EIF3L: variants seen among roughly 807,000 people sequenced by gnomAD.
EIF3L encodes the protein eukaryotic translation initiation factor 3 subunit L, also known as eIEF associated protein HSPC021.
A neutral mutation model predicts 74.6 loss-of-function variants in EIF3L; 32 were observed. The ratio of observed to expected loss-of-function variants is 0.43; its 90% CI spans 0.32 to 0.58. The LOEUF is 0.58. Ranked by LOEUF, EIF3L falls within the 20% of genes least tolerant of loss-of-function variation. EIF3L has a pLI of 0.06. For missense variants in EIF3L, 474 were observed against 707.8 expected (o/e 0.67, Z 3.75); for synonymous variants, 256 against 254.4 (o/e 1.01, Z -0.06).
intron 5 of EIF3L, among the ~76,000 whole-genome samples, chr22:37,861,638 T>G (rs924986304): frequency 6.6e-6 from 1 of 151,462 alleles, no homozygotes; most frequent in Non-Finnish European, 1.5e-5. Flanking sequence ...GAGCTGAGAT[T>G]GCACCGCTGC....
At chr22:37,881,879 A>G (rs957782749) in intron 11 of EIF3L, 1 of 152,180 alleles carries the variant, frequency 6.6e-6, no homozygotes, top group Non-Finnish European at 1.5e-5. Context: ...TTTTGAAAGC[A>G]TTTTGGGCCA....
intron 10 of EIF3L, 169 bp from the exon 11 acceptor site, chr22:37,877,504 AG>A: frequency 1.4e-6 from 1 of 734,780 alleles, no homozygotes; most frequent in South Asian, 2.1e-5. Flanking sequence ...GATGGAAGTT[AG>A]GTAGATCTAG....
intron 11 of EIF3L, chr22:37,884,408 CAT>C (rs1927215681): frequency 6.6e-6 from 1 of 151,932 alleles, no homozygotes; most frequent in Non-Finnish European, 1.5e-5. Flanking sequence ...ATTGTGTGAA[CAT>C]ATGTTTTTAA....
intron 7 of EIF3L, among the ~76,000 whole-genome samples, chr22:37,868,782 A>G (rs1926318470): frequency 6.6e-6 from 1 of 151,498 alleles, no homozygotes; most frequent in South Asian, 2.1e-4. Context: ...AGCTGGGATT[A>G]CAGGCATGTA....
chr22:37,849,538 C>T (rs1925042598), intron 1 of EIF3L, 56 bp downstream of exon 1: 1 of 1,529,354 alleles, frequency 6.5e-7, no homozygotes, highest in Admixed American at 2.0e-5. Flanking sequence ...TCTGGGACCA[C>T]TGGATGTGGG....
chr22:37,865,458 CA>C (rs902682999), intron 7 of EIF3L, among the ~76,000 whole-genome samples: 9 of 140,356 alleles, frequency 6.4e-5, no homozygotes, highest in African/African-American at 1.3e-4. Context: ...GACTCTGTCT[CA>C]AAAAAAAAAC....
At position 37,854,553 on chromosome 22, in the gene EIF3L, C is replaced by T. The variant is rs138828527; in HGVS notation, c.294-1012C>T. ...CGCAATCTCAGCTCATCGCAACCTC[C>T]GCCTCCTGGCTCCAAGCGATTCTCC... On this transcript the variant is annotated intron_variant, in intron 3 of 12. Coordinates refer to ENST00000652021, the MANE Select transcript of EIF3L (RefSeq NM_016091.4). Among the ~76,000 whole-genome samples, 909 of 152,306 alleles carry T rather than the reference C, an allele frequency of 6.0e-3. 6 individuals are homozygous for T. Among genetic ancestry groups the T allele is most frequent in the African/African-American group, 0.021 (876 of 41,566 alleles).
chr22:37,872,015 CAGATT>C (rs1243270734), intron 8 of EIF3L, among the ~76,000 whole-genome samples: 5 of 152,126 alleles, frequency 3.3e-5, no homozygotes, highest in East Asian at 1.9e-4. Context: ...TAGTTTCATA[CAGATT>C]AGGTGCAGTG....
chr22:37,876,322 T>G (rs1047966740), intron 10 of EIF3L: 4 of 154,610 alleles, frequency 2.6e-5, no homozygotes, highest in African/African-American at 3.1e-5. Flanking sequence ...TTTTTTTTTT[T>G]GAGACGAAGT....
In EIF3L at chr22:37,874,536, T is replaced by A. The variant is rs752532827; in HGVS notation, c.906+12T>A. ...AACTGAACAAGAAGGTGATGCCTAT[T>A]GCCTCTGGCCCCTCTTGCCAGAGCC... is the stretch of plus-strand genomic sequence containing the variant. On this transcript the variant is annotated intron_variant, in intron 9 of 12. Coordinates refer to ENST00000652021, the MANE Select transcript of EIF3L (RefSeq NM_016091.4). 1.6e-5 allele frequency: 25 copies of A among 1,611,812 alleles called. No individual in the cohort carries two copies. In the South Asian group the frequency reaches 2.0e-4, roughly 13 times the overall value.
intron 11 of EIF3L, chr22:37,885,023 ATCC>A (rs1927247459): frequency 6.9e-6 from 1 of 145,238 alleles, no homozygotes; most frequent in South Asian, 2.1e-4. Context: ...GGCTCAGGTG[ATCC>A]TCCTATCTCA....
chr22:37,868,619 ATTTTT>A (rs1281555311), intron 7 of EIF3L, among the ~76,000 whole-genome samples: 2 of 53,356 alleles, frequency 3.7e-5, no homozygotes. Flanking sequence ...ACACCTGGCT[ATTTTT>A]GTTTTGGTGC....
chr22:37,886,563 A>G, intron 11 of EIF3L: 1 of 348,894 alleles, frequency 2.9e-6, no homozygotes, highest in South Asian at 2.6e-5. Context: ...GCAAAACTCC[A>G]TCTCAAAAAA....
chr22:37,850,167 C>G, intron 2 of EIF3L, 104 bp downstream of exon 2: 1 of 1,339,956 alleles, frequency 7.5e-7, no homozygotes, highest in Non-Finnish European at 1.1e-6. Flanking sequence ...TTTGATGGTC[C>G]AGGTTTGGAG....
chr22:37,855,990 C>G (rs1601754950), intron 4 of EIF3L, among the ~76,000 whole-genome samples: 1 of 151,962 alleles, frequency 6.6e-6, no homozygotes, highest in Non-Finnish European at 1.5e-5. Flanking sequence ...GCAAATCCAA[C>G]TTCATTATTT....
chr22:37,854,796 C>A (rs1013677073), intron 3 of EIF3L, among the ~76,000 whole-genome samples: 1 of 152,138 alleles, frequency 6.6e-6, no homozygotes, highest in African/African-American at 2.4e-5. Context: ...TGTTCTGTTT[C>A]TGTGTTTCTC....
intron 8 of EIF3L, among the ~76,000 whole-genome samples, chr22:37,871,824 G>A (rs952655900): frequency 2.8e-4 from 41 of 145,342 alleles, no homozygotes; most frequent in Admixed American, 2.4e-3. Context: ...AGCCGAGATC[G>A]CACCACTGCA....
intron 3 of EIF3L, among the ~76,000 whole-genome samples, chr22:37,854,112 A>G (rs993173060): frequency 6.6e-6 from 1 of 152,216 alleles, no homozygotes; most frequent in Non-Finnish European, 1.5e-5. Context: ...TGCCTTAAGA[A>G]GTATGTTTCT....
intron 3 of EIF3L, among the ~76,000 whole-genome samples, chr22:37,855,226 T>C (rs1337764439): frequency 6.6e-6 from 1 of 152,108 alleles, no homozygotes; most frequent in Non-Finnish European, 1.5e-5. Context: ...CTCCAGGAGA[T>C]GGAAACGCTG....
Sources: gnomAD v4.1 joint callset for allele counts (sites outside exome capture counted in the v4.1 genomes callset) on GRCh38, gnomAD v4.1.1 for gene constraint, MANE v1.5 for transcripts, NCBI Gene and HGNC (gene_info 2026-07-23, HGNC 2026-07-21) for gene names.